The following ACOT7 variants were observed in gnomAD, a reference collection of about 807,000 sequenced individuals.
The protein encoded by ACOT7 is acyl-CoA thioesterase 7.
ACOT7 carries 12 observed loss-of-function variants against 40.2 expected under a neutral mutation model. The ratio of observed to expected loss-of-function variants is 0.30; its 90% CI spans 0.19 to 0.48. ACOT7 has a LOEUF of 0.48. Ranked by LOEUF, ACOT7 falls within the 20% of genes least tolerant of loss-of-function variation. The pLI is 0.99. For missense variants in ACOT7, 395 were observed against 530.8 expected (o/e 0.74, Z 2.51); for synonymous variants, 228 against 219.5 (o/e 1.04, Z -0.34).
intron 1 of ACOT7, among the ~76,000 whole-genome samples, chr1:6,350,725 C>G (rs1451166520): frequency 6.6e-6 from 1 of 152,208 alleles, no homozygotes; most frequent in African/African-American, 2.4e-5. Flanking sequence ...GCTTGTGTAG[C>G]CTGCCCAGCC....
In ACOT7 at chr1:6,363,118, A is replaced by G. The variant is rs541198455; in HGVS notation, c.144-13252T>C. On this transcript the variant is annotated intron_variant, in intron 1 of 8. Transcript: ENST00000361521. ...AATATTATAATAATCCTCGCTCTATAATCATAACCTAGGAAAAACCAGGCT... is the reference window on the plus strand; with the variant it reads ...AATATTATAATAATCCTCGCTCTATGATCATAACCTAGGAAAAACCAGGCT... Among the ~76,000 whole-genome samples the G allele has an allele frequency of 2.0e-3, 312 of 152,350 alleles. 2 individuals carry two copies. Among genetic ancestry groups the G allele is most frequent in the Middle Eastern group, 0.014 (4 of 294 alleles).
chr1:6,336,240 AGGAGAATCACTTGAACCTGAGAGGC>A (rs971806798), intron 3 of ACOT7, among the ~76,000 whole-genome samples: 7 of 149,784 alleles, frequency 4.7e-5, no homozygotes, highest in African/African-American at 1.7e-4. Flanking sequence ...AGGCTGAGGC[AGGAGAATCACTTGAACCTGAGAGGC>A]GGAGGTTGTA....
At chr1:6,305,779 G>C (rs934173936) in intron 6 of ACOT7, among the ~76,000 whole-genome samples, 2 of 152,154 alleles carry the variant, frequency 1.3e-5, no homozygotes, top group African/African-American at 4.8e-5. Context: ...TCACTTCCCA[G>C]ACGGGGTGGT....
chr1:6,361,617 C>T lies in ACOT7; in HGVS notation c.144-11751G>A, dbSNP rs116652134. Among the ~76,000 whole-genome samples, 1,098 of 152,030 alleles carry T rather than the reference C, an allele frequency of 7.2e-3. 19 individuals are homozygous for T. Among genetic ancestry groups the T allele is most frequent in the African/African-American group, 0.024 (1,001 of 41,460 alleles). On this transcript the variant is annotated intron_variant, in intron 1 of 8. Transcript: ENST00000361521. ...AGTTTTGACACCAGCCTGGCCAACA[C>T]GGTGGAACCCCACCACTAGTGAAAA... is the stretch of plus-strand genomic sequence containing the variant.
rs563720623 is a variant in ACOT7 at position 6,267,181 on chromosome 1, C to T, written c.1015-2486G>A. On this transcript the variant is annotated intron_variant, in intron 8 of 8. Transcript: ENST00000361521. ...ACACAGCTGAAGCCCCCACCCAGCC[C>T]ACAGGAGCCAGGTCCGGCCTGAGGA... Among the ~76,000 whole-genome samples, 142 of 152,304 alleles carry T rather than the reference C, an allele frequency of 9.3e-4. 1 individual carries two copies. The highest frequency in any genetic ancestry group is 3.1e-3 in the African/African-American group (128 of 41,566).
chr1:6,319,293 A>G (rs1170921990), intron 5 of ACOT7, among the ~76,000 whole-genome samples: 1 of 152,176 alleles, frequency 6.6e-6, no homozygotes, highest in Non-Finnish European at 1.5e-5. Flanking sequence ...CCTGGGTCCA[A>G]GCAATTCTTG....
At chr1:6,293,744 A>T (rs558460872) in intron 7 of ACOT7, among the ~76,000 whole-genome samples, 1 of 152,358 alleles carries the variant, frequency 6.6e-6, no homozygotes, top group African/African-American at 2.4e-5. Context: ...AAGCAACGCC[A>T]GAGACCTTCC....
intron 2 of ACOT7, among the ~76,000 whole-genome samples, chr1:6,344,001 TG>T (rs1641348764): frequency 6.6e-6 from 1 of 152,054 alleles, no homozygotes; most frequent in Non-Finnish European, 1.5e-5. Context: ...AGCCCAACGA[TG>T]TTAAGGCAGG....
At chr1:6,349,454 G>C (rs1302030988) in intron 2 of ACOT7, among the ~76,000 whole-genome samples, 16 of 152,370 alleles carry the variant, frequency 1.1e-4, no homozygotes, top group Non-Finnish European at 1.5e-5. Context: ...GCATGCTTCT[G>C]ATCAGGGCCA....
At chr1:6,346,528 G>A (rs948913826) in intron 2 of ACOT7, among the ~76,000 whole-genome samples, 3 of 152,256 alleles carry the variant, frequency 2.0e-5, no homozygotes, top group Admixed American at 1.3e-4. Flanking sequence ...TTGAGAAAGA[G>A]ATGTAGGAGG....
intron 7 of ACOT7, among the ~76,000 whole-genome samples, chr1:6,291,356 C>T (rs556958639): frequency 5.3e-5 from 8 of 152,072 alleles, no homozygotes; most frequent in Non-Finnish European, 4.4e-5. Context: ...ACCAGAGTGA[C>T]GCAGCCACAA....
Position 6,306,490 on chromosome 1 carries a change from G to A in ACOT7, c.713-11510C>T, listed in dbSNP as rs1640160040. On this transcript the variant is annotated intron_variant, in intron 6 of 8. Transcript: ENST00000361521. The surrounding 1 kb of genome is among the most constrained non-coding windows in gnomAD (Gnocchi z 4.3). ...CGGGGTTCAAGGTTCAAGTTCACCA[G>A]TCCCCACGTCCCGCTCCCCCGCTGA... The A allele has an allele frequency of 1.0e-6, 1 of 985,158 alleles. No homozygotes were observed. Among genetic ancestry groups the A allele is most frequent in the South Asian group, 4.7e-5 (1 of 21,278 alleles). The allele number at this position is 985,158 out of a possible 1,614,324, so 61.0% of individuals were successfully genotyped here. A position where few individuals can be genotyped will look rare whatever the true frequency, so the allele number is the denominator to read the frequency against.
intron 6 of ACOT7, among the ~76,000 whole-genome samples, chr1:6,308,051 G>A (rs1640212696): frequency 6.6e-6 from 1 of 151,022 alleles, no homozygotes; most frequent in Non-Finnish European, 1.5e-5. Flanking sequence ...ACAGGCAGAA[G>A]GAACAGCCAC....
intron 1 of ACOT7, among the ~76,000 whole-genome samples, chr1:6,382,358 T>C (rs1218081916): frequency 1.3e-5 from 2 of 151,712 alleles, no homozygotes; most frequent in Non-Finnish European, 2.9e-5. Context: ...GAGCCGAGAT[T>C]GTGCCACCGC....
chr1:6,290,931 C>T (rs1639644711), intron 7 of ACOT7, among the ~76,000 whole-genome samples: 1 of 152,222 alleles, frequency 6.6e-6, no homozygotes, highest in South Asian at 2.1e-4. Flanking sequence ...GGGTCACTCT[C>T]CCTGCATTCC....
chr1:6,276,108 C>T (rs1639181323), intron 8 of ACOT7, among the ~76,000 whole-genome samples: 1 of 152,184 alleles, frequency 6.6e-6, no homozygotes, highest in Non-Finnish European at 1.5e-5. Context: ...TACACCTCCT[C>T]CTCAGGCCCA....
At chr1:6,339,940 C>G (rs938743375) in intron 2 of ACOT7, among the ~76,000 whole-genome samples, 2 of 145,380 alleles carry the variant, frequency 1.4e-5, no homozygotes, top group Admixed American at 6.8e-5. Context: ...CCACCACGCC[C>G]AGCTAATTTT....
intron 6 of ACOT7, among the ~76,000 whole-genome samples, chr1:6,315,863 A>AAAGCCATTATTCCT (rs1640478814): frequency 6.6e-6 from 1 of 152,206 alleles, no homozygotes; most frequent in East Asian, 1.9e-4. Flanking sequence ...GCATTATTGT[A>AAAGCCATTATTCCT]AAGCCATTAT....
At chr1:6,318,711 TCTCTAAGGAAAAC>T (rs1010873067) in intron 5 of ACOT7, 133 bp from the exon 6 acceptor site, 2 of 844,044 alleles carry the variant, frequency 2.4e-6, no homozygotes, top group Non-Finnish European at 1.9e-6. Flanking sequence ...AGCTATGATT[TCTCTAAGGAAAAC>T]TATGGTCTCC....
Sources: allele counts gnomAD v4.1 joint callset (sites outside exome capture counted in the v4.1 genomes callset), GRCh38; gene constraint gnomAD v4.1.1; non-coding constraint Gnocchi (gnomAD v3.1); transcripts MANE v1.5; gene names NCBI Gene and HGNC (gene_info 2026-07-23, HGNC 2026-07-21).